ITSN1: variants seen among roughly 807,000 people sequenced by gnomAD.
ITSN1 encodes the protein intersectin 1.
Under a neutral mutation model 239.8 loss-of-function variants are expected in ITSN1, and 58 were observed. That is an observed-to-expected ratio of 0.24 (90% confidence interval 0.20 to 0.30). ITSN1 has a LOEUF of 0.30. ITSN1 is among the 10% of genes least tolerant of loss of function. The probability of loss-of-function intolerance (pLI) is 1.00; values close to 1 mark genes in which losing one functional copy is unlikely to be tolerated. For synonymous variants in ITSN1, 780 were observed against 770.8 expected (o/e 1.01, Z -0.20); for missense variants, 1,558 against 2,103.3 (o/e 0.74, Z 5.07).
chr21:33,669,588 C>T (rs996088400), intron 1 of ITSN1, among the ~76,000 whole-genome samples: 4 of 151,998 alleles, frequency 2.6e-5, no homozygotes, highest in African/African-American at 4.8e-5. Flanking sequence ...TACAGGCATG[C>T]GCCACCAAGC....
At chr21:33,861,948 A>AAAATAAATAAATAAAT (rs200952715) in intron 31 of ITSN1, among the ~76,000 whole-genome samples, 2 of 141,928 alleles carry the variant, frequency 1.4e-5, no homozygotes, top group African/African-American at 5.5e-5. Flanking sequence ...TCCGTCTCAA[A>AAAATAAATAAATAAAT]AAATAAATAA....
chr21:33,715,793 C>A (rs937757240), intron 1 of ITSN1, among the ~76,000 whole-genome samples: 6 of 152,118 alleles, frequency 3.9e-5, no homozygotes, highest in African/African-American at 7.2e-5. Flanking sequence ...GTGTTGTCAC[C>A]TGTAATCCCA....
rs897656541 is a variant in ITSN1 at position 33,823,779 on chromosome 21, T to C, written c.3183+126T>C. On this transcript the variant is annotated intron_variant, in intron 25 of 39. Coordinates refer to ENST00000381318, the MANE Select transcript of ITSN1 (RefSeq NM_003024.3). ...TTCTGGAATGTGACAGTAAATCCAG[T>C]GTGACCTGTCATTGTTTGATCTTGT... The C allele has an allele frequency of 8.2e-6, 7 of 850,882 alleles. No individual in the cohort carries two copies. In the Admixed American group the frequency reaches 1.6e-4, roughly 19 times the overall value. 52.7% of individuals were successfully genotyped at this position (850,882 alleles called of 1,614,324 possible). A position where few individuals can be genotyped will look rare whatever the true frequency, so the allele number is the denominator to read the frequency against.
At chr21:33,877,435 G>C (rs1443337896) in intron 34 of ITSN1, among the ~76,000 whole-genome samples, 1 of 152,142 alleles carries the variant, frequency 6.6e-6, no homozygotes, top group Non-Finnish European at 1.5e-5. Flanking sequence ...ATGTTTAGAG[G>C]GGTTTGGGCA....
intron 31 of ITSN1, among the ~76,000 whole-genome samples, chr21:33,864,873 G>C (rs888714105): frequency 6.6e-6 from 1 of 151,832 alleles, no homozygotes; most frequent in Non-Finnish European, 1.5e-5. Flanking sequence ...TCGACACAGG[G>C]GACCCATTTG....
Position 33,810,981 on chromosome 21 carries a change from G to A in ITSN1, c.2326G>A (p.Glu776Lys). ...GCTGTGACTTTTTCCACAGGTGGAT[G>A]AAAGCCAAACTGGAGAACCCGGCTG... ...IVMVKGEWVD[E>K]SQTGEPGWLG... The change falls in exon 21 of 40, where the codon GAA becomes AAA. Residue 776 changes from glutamate (E) to lysine (K), a missense_variant. Glu to Lys is a moderately conservative substitution (Grantham distance 56, BLOSUM62 1). Coordinates refer to ENST00000381318, the MANE Select transcript of ITSN1 (RefSeq NM_003024.3). The A allele has an allele frequency of 6.2e-7, 1 of 1,614,186 alleles. No homozygotes were observed. The highest frequency in any genetic ancestry group is 1.1e-5 in the South Asian group (1 of 91,072).
chr21:33,856,556 C>T (rs973907397), intron 29 of ITSN1, among the ~76,000 whole-genome samples, 180 bp from the exon 30 acceptor site: 1 of 152,102 alleles, frequency 6.6e-6, no homozygotes, highest in East Asian at 1.9e-4. Flanking sequence ...AATAAGGTAA[C>T]GTTCACAGGT....
Position 33,772,173 on chromosome 21 carries a change from G to A in ITSN1, c.1155G>A (p.Gln385=). The A allele has an allele frequency of 6.2e-7, 1 of 1,614,134 alleles. No individual in the cohort carries two copies. Among genetic ancestry groups the A allele is most frequent in the Non-Finnish European group, 8.5e-7 (1 of 1,180,006 alleles). ...GCAAGGAGCAGGAGCGCCTGGCCCA[G>A]CTGGAGCGGGCGGAGCAGGAGAGGA... The part of the protein sequence containing the change: ...QQRKEQERLA[Q]LERAEQERKE... The change falls in exon 12 of 40, where the codon CAG becomes CAA. Residue 385 remains glutamine (Q), a synonymous_variant. Transcript: ENST00000381318.
intron 31 of ITSN1, among the ~76,000 whole-genome samples, chr21:33,862,164 CAAAAAAAAAAAA>C (rs59129090): frequency 1.3e-5 from 1 of 79,818 alleles, no homozygotes; most frequent in African/African-American, 5.4e-5. Flanking sequence ...GACTGTGTCA[CAAAAAAAAAAAA>C]AAAAAAAAAA....
rs868191787 is a variant in ITSN1, at chr21:33,781,902, G to T, written c.1685-92G>T. 1.7e-4 allele frequency: 210 copies of T among 1,259,188 alleles called. 1 individual carries two copies. The Middle Eastern group carries it at 6.2e-3, about 37-fold the overall frequency. 78.0% of individuals were successfully genotyped at this position (1,259,188 alleles called of 1,614,324 possible). A position where few individuals can be genotyped will look rare whatever the true frequency, so the allele number is the denominator to read the frequency against. On this transcript the variant is annotated intron_variant, in intron 15 of 39. Transcript: ENST00000381318. The stretch of plus-strand genomic sequence containing the variant: ...CCTTTTCTTATTTTTTAACCAGCAA[G>T]AATTTCCTTAAGTGAAATGAGAACA...
At chr21:33,737,223 T>A (rs1394484912) in intron 5 of ITSN1, among the ~76,000 whole-genome samples, 2 of 152,222 alleles carry the variant, frequency 1.3e-5, no homozygotes, top group East Asian at 3.8e-4. Context: ...CAGGAGGTTG[T>A]GACCTTACTG....
chr21:33,879,045 C>T (rs1984470663), intron 34 of ITSN1, among the ~76,000 whole-genome samples: 1 of 152,040 alleles, frequency 6.6e-6, no homozygotes, highest in Non-Finnish European at 1.5e-5. Flanking sequence ...CTGCGTGTTG[C>T]AGGATGAAGC....
At chr21:33,815,424 G>A (rs1283858323) in intron 22 of ITSN1, among the ~76,000 whole-genome samples, 2 of 151,986 alleles carry the variant, frequency 1.3e-5, no homozygotes, top group Non-Finnish European at 2.9e-5. Flanking sequence ...GGAGGTGGGG[G>A]ATGGGAGGTT....
chr21:33,735,016 G>A, intron 4 of ITSN1, 28 bp from the exon 5 acceptor site: 4 of 1,588,492 alleles, frequency 2.5e-6, no homozygotes, highest in Non-Finnish European at 3.4e-6. Context: ...GGTCACAGTT[G>A]TTCTCAGGCC....
intron 29 of ITSN1, among the ~76,000 whole-genome samples, chr21:33,843,885 A>T (rs1057101517): frequency 1.3e-5 from 2 of 152,240 alleles, no homozygotes; most frequent in Non-Finnish European, 2.9e-5. Flanking sequence ...TAAGCAGAGA[A>T]TAATAGCTTT....
At chr21:33,674,462 G>T (rs957682402) in intron 1 of ITSN1, among the ~76,000 whole-genome samples, 4 of 152,162 alleles carry the variant, frequency 2.6e-5, no homozygotes, top group African/African-American at 9.7e-5. Context: ...TGCTGGTGCT[G>T]TTGGTGTGGG....
chr21:33,744,048 A>C (rs970629372), intron 5 of ITSN1, among the ~76,000 whole-genome samples: 12 of 152,386 alleles, frequency 7.9e-5, no homozygotes, highest in Admixed American at 6.5e-5. Context: ...GATGGTGAGC[A>C]CTAAATATAT....
At chr21:33,879,470 A>G (rs1180388490) in intron 34 of ITSN1, among the ~76,000 whole-genome samples, 1 of 152,236 alleles carries the variant, frequency 6.6e-6, no homozygotes, top group Non-Finnish European at 1.5e-5. Context: ...GGGCAGGCTG[A>G]GGCCCAGCCG....
intron 33 of ITSN1, among the ~76,000 whole-genome samples, chr21:33,868,440 C>T (rs1485738856): frequency 5.9e-5 from 9 of 152,238 alleles, no homozygotes; most frequent in African/African-American, 9.6e-5. Flanking sequence ...GCATGGCGGG[C>T]TGCAGTCCCG....
Sources: gnomAD v4.1 joint callset for allele counts (sites outside exome capture counted in the v4.1 genomes callset) on GRCh38, gnomAD v4.1.1 for gene constraint, MANE v1.5 for transcripts, NCBI Gene and HGNC (gene_info 2026-07-23, HGNC 2026-07-21) for gene names.